Variants in ZC3H12C observed in about 807,000 individuals in gnomAD.
ZC3H12C encodes the protein zinc finger CCCH-type containing 12C.
Under a neutral mutation model 76.3 loss-of-function variants are expected in ZC3H12C, and 20 were observed. That is an observed-to-expected ratio of 0.26 (90% CI 0.18 to 0.38). The LOEUF (loss-of-function observed/expected upper bound fraction) is 0.38, where lower values mean the gene tolerates loss of function less well. Among genes scored for constraint, ZC3H12C ranks in the 10% least tolerant of loss-of-function variants. The pLI, the probability that ZC3H12C is intolerant of heterozygous loss-of-function variation, is 1.00. For missense variants in ZC3H12C, 874 were observed against 1,086.5 expected, an observed-to-expected ratio of 0.80 and a Z score of 2.75; for synonymous variants, 352 against 399.6, an observed-to-expected ratio of 0.88 and a Z score of 1.42.
chr11:110,142,551 G>A (rs901082238), intron 2 of ZC3H12C, among the ~76,000 whole-genome samples: 2 of 152,128 alleles, frequency 1.3e-5, no homozygotes, highest in Non-Finnish European at 2.9e-5. Flanking sequence ...CTTATATGGC[G>A]AAGGAAATCT....
chr11:110,138,817 C>G (rs545858934), intron 2 of ZC3H12C, among the ~76,000 whole-genome samples: 1 of 152,282 alleles, frequency 6.6e-6, no homozygotes, highest in Admixed American at 6.5e-5. Flanking sequence ...CCTCGGCACC[C>G]CAAAGTGCTG....
At chr11:110,097,980 A>G (rs7936694) in intron 1 of ZC3H12C, among the ~76,000 whole-genome samples, 54,859 of 152,014 alleles carry the variant, frequency 0.36, 10,506 homozygotes, top group East Asian at 0.65. Flanking sequence ...ACTATACTAT[A>G]CTTTTTATTG....
chr11:110,133,304 G>C (rs1199081419), intron 1 of ZC3H12C, among the ~76,000 whole-genome samples: 1 of 152,140 alleles, frequency 6.6e-6, no homozygotes, highest in Non-Finnish European at 1.5e-5. Context: ...CATAGAAATT[G>C]AACTCATTTG....
At chr11:110,127,186 C>T (rs547377575) in intron 1 of ZC3H12C, among the ~76,000 whole-genome samples, 42 of 152,348 alleles carry the variant, frequency 2.8e-4, no homozygotes, top group African/African-American at 1.0e-3. Context: ...GTTCTTGATA[C>T]ATTTGACCCT....
chr11:110,163,817 G>A (rs1313743275), intron 5 of ZC3H12C, among the ~76,000 whole-genome samples: 1 of 152,178 alleles, frequency 6.6e-6, no homozygotes, highest in Non-Finnish European at 1.5e-5. Flanking sequence ...TTCTGGAAGT[G>A]GCTGGGTGCA....
chr11:110,106,512 C>A (rs1349277489), intron 1 of ZC3H12C, among the ~76,000 whole-genome samples: 1 of 152,114 alleles, frequency 6.6e-6, no homozygotes, highest in African/African-American at 2.4e-5. Context: ...GGGTAGGTTT[C>A]TTATAAAATG....
chr11:110,142,471 A>G (rs1862084005), intron 2 of ZC3H12C, among the ~76,000 whole-genome samples: 1 of 152,188 alleles, frequency 6.6e-6, no homozygotes, highest in Non-Finnish European at 1.5e-5. Flanking sequence ...TTTTACATCT[A>G]CTAAACAGAT....
chr11:110,126,228 T>C (rs1283246131), intron 1 of ZC3H12C, among the ~76,000 whole-genome samples: 1 of 126,774 alleles, frequency 7.9e-6, no homozygotes, highest in Non-Finnish European at 1.7e-5. Context: ...TTTTTTTTTT[T>C]TTTTTTTTTT....
chr11:110,141,113 T>C (rs1862060672), intron 2 of ZC3H12C, among the ~76,000 whole-genome samples: 1 of 152,152 alleles, frequency 6.6e-6, no homozygotes, highest in African/African-American at 2.4e-5. Context: ...CAAAGAGTCA[T>C]ATTGGAAAAC....
rs886879563 is a variant in ZC3H12C at position 110,164,024 on chromosome 11, C to T, written c.1256-317C>T. Among the ~76,000 whole-genome samples the T allele has an allele frequency of 6.6e-6, 1 of 151,826 alleles. No individual in the cohort carries two copies. The highest frequency in any genetic ancestry group is 1.5e-5 in the Non-Finnish European group (1 of 67,974). On this transcript the variant is annotated intron_variant, in intron 5 of 5. Transcript: ENST00000278590. The surrounding 1 kb of genome is among the most constrained non-coding windows in gnomAD (Gnocchi z 5.7). ...CCGAGGCATAAGAATTGCTTGAACC[C>T]GAGAGGCAGAGGTTGCAGTGAGCTG... is the stretch of plus-strand genomic sequence containing the variant.
intron 1 of ZC3H12C, among the ~76,000 whole-genome samples, chr11:110,124,821 T>A (rs1432654998): frequency 3.3e-5 from 5 of 152,238 alleles, no homozygotes; most frequent in East Asian, 1.9e-4. Flanking sequence ...TGAGATTTTT[T>A]TTTTTTTTTA....
At chr11:110,123,292 A>G (rs1010062877) in intron 1 of ZC3H12C, among the ~76,000 whole-genome samples, 10 of 152,178 alleles carry the variant, frequency 6.6e-5, no homozygotes, top group Non-Finnish European at 1.3e-4. Context: ...TTCCGTGAGT[A>G]TTTACAGGTT....
At chr11:110,140,771 T>C (rs1862054452) in intron 2 of ZC3H12C, among the ~76,000 whole-genome samples, 1 of 152,220 alleles carries the variant, frequency 6.6e-6, no homozygotes, top group African/African-American at 2.4e-5. Flanking sequence ...TAATCTCACA[T>C]GAACCACTTT....
At position 110,100,389 on chromosome 11, in the gene ZC3H12C, G is replaced by A. The variant is rs529847015; in HGVS notation, c.21+6957G>A. ...AATGAATCTGCTGGTAAGTGGGTATGATAAACAAAAGGAAGTACAGGCATA... is the reference window on the plus strand; with the variant it reads ...AATGAATCTGCTGGTAAGTGGGTATAATAAACAAAAGGAAGTACAGGCATA... On this transcript the variant is annotated intron_variant, in intron 1 of 5. Transcript: ENST00000278590. Among the ~76,000 whole-genome samples, 26 of 152,194 alleles carry A rather than the reference G, an allele frequency of 1.7e-4. No individual in the cohort carries two copies. In the South Asian group the frequency reaches 5.2e-3, roughly 30 times the overall value.
intron 1 of ZC3H12C, among the ~76,000 whole-genome samples, chr11:110,105,247 C>A (rs1407549020): frequency 6.6e-6 from 1 of 152,090 alleles, no homozygotes; most frequent in Non-Finnish European, 1.5e-5. Context: ...GCATCATTTT[C>A]TTTGATGGCC....
intron 2 of ZC3H12C, among the ~76,000 whole-genome samples, chr11:110,138,693 G>C (rs1862015621): frequency 6.6e-6 from 1 of 151,908 alleles, no homozygotes; most frequent in East Asian, 1.9e-4. Flanking sequence ...GAGTAGCTGG[G>C]ACTCCAGGCA....
At chr11:110,096,331 T>G (rs577904392) in intron 1 of ZC3H12C, among the ~76,000 whole-genome samples, 1 of 152,382 alleles carries the variant, frequency 6.6e-6, no homozygotes, top group Non-Finnish European at 1.5e-5. Context: ...TAAAGATAAC[T>G]GCAGATATGT....
chr11:110,146,803 C>A (rs1029141889), intron 2 of ZC3H12C, among the ~76,000 whole-genome samples: 4 of 152,034 alleles, frequency 2.6e-5, no homozygotes, highest in Admixed American at 6.5e-5. Context: ...ACTTGTCTAT[C>A]CTTACCATCC....
At chr11:110,154,909 AGC>A in intron 3 of ZC3H12C, among the ~76,000 whole-genome samples, 1 of 151,874 alleles carries the variant, frequency 6.6e-6, no homozygotes, top group Admixed American at 6.6e-5. Context: ...CCAGAATATA[AGC>A]ACCAAATAAG....
Sources: allele counts gnomAD v4.1 joint callset (sites outside exome capture counted in the v4.1 genomes callset), GRCh38; gene constraint gnomAD v4.1.1; non-coding constraint Gnocchi (gnomAD v3.1); transcripts MANE v1.5; gene names NCBI Gene and HGNC (gene_info 2026-07-23, HGNC 2026-07-21).